The following ALDH18A1 variants were observed in gnomAD, a reference collection of about 807,000 sequenced individuals.
ALDH18A1 encodes aldehyde dehydrogenase 18 family member A1.
In ALDH18A1, 44 loss-of-function variants were observed where a neutral mutation model predicts 88.8. The ratio of observed to expected loss-of-function variants is 0.50; its 90% CI spans 0.39 to 0.64. The LOEUF is 0.64. Among genes scored for constraint, ALDH18A1 ranks in the 30% least tolerant of loss-of-function variants. The pLI is 0.00. For missense variants in ALDH18A1, 782 were observed against 1,009.5 expected, an observed-to-expected ratio of 0.77 and a Z score of 3.05; for synonymous variants, 331 against 372.1, an observed-to-expected ratio of 0.89 and a Z score of 1.27.
At chr10:95,643,377 T>C (rs1490929618) in intron 2 of ALDH18A1, among the ~76,000 whole-genome samples, 171 bp from the exon 3 acceptor site, 2 of 152,254 alleles carry the variant, frequency 1.3e-5, no homozygotes, top group African/African-American at 2.4e-5. Flanking sequence ...CGTATTCTTA[T>C]TTTAGTATTG....
At chr10:95,644,825 T>C (rs549415181) in intron 2 of ALDH18A1, among the ~76,000 whole-genome samples, 1 of 152,336 alleles carries the variant, frequency 6.6e-6, no homozygotes, top group Non-Finnish European at 1.5e-5. Context: ...AACATGGGTA[T>C]GAAGGCTGGA....
Position 95,613,987 on chromosome 10 carries a change from C to T in ALDH18A1, c.1780G>A (p.Val594Ile), listed in dbSNP as rs41291564. 5.6e-6 allele frequency: 9 copies of T among 1,614,224 alleles called. No homozygotes were observed. The highest frequency in any genetic ancestry group is 7.6e-6 in the Non-Finnish European group (9 of 1,180,044). Residue 594 changes from valine to isoleucine, a missense_variant, in exon 14 of 18, where the codon GTT becomes ATT. Physicochemically the swap from Val to Ile is conservative, Grantham distance 29. This residue lies in a region of ALDH18A1 where 556 missense variants were observed against 654.5 expected (regional missense o/e 0.85). Transcript: ENST00000371224. The part of the protein sequence containing the change: ...CHMYVDSEAS[V>I]DKVTRLVRDS... Reference sequence around the variant, plus strand: ...TCACCTAGCCTGGTGACCTTATCAACACTGGCCTCGGAATCCACATACATG... The same window carrying T: ...TCACCTAGCCTGGTGACCTTATCAATACTGGCCTCGGAATCCACATACATG...
chr10:95,607,803 G>A (rs1297609847), intron 17 of ALDH18A1, among the ~76,000 whole-genome samples: 1 of 152,114 alleles, frequency 6.6e-6, no homozygotes, highest in Non-Finnish European at 1.5e-5. Flanking sequence ...CCTTTTGGTT[G>A]GGACCTGAAC....
intron 2 of ALDH18A1, among the ~76,000 whole-genome samples, chr10:95,648,450 A>C (rs1311019508): frequency 2.0e-5 from 3 of 152,154 alleles, no homozygotes; most frequent in Non-Finnish European, 4.4e-5. Flanking sequence ...ATAAATAAGG[A>C]AACTGATGCT....
At chr10:95,607,068 C>G (rs2097824120) in intron 17 of ALDH18A1, 125 bp from the exon 18 acceptor site, 1 of 961,048 alleles carries the variant, frequency 1.0e-6, no homozygotes, top group Non-Finnish European at 1.7e-6. Flanking sequence ...CCTCATCCAT[C>G]CTCCCCAGAA....
At chr10:95,653,207 C>CTT in intron 2 of ALDH18A1, 83 bp downstream of exon 2, 2 of 1,313,384 alleles carry the variant, frequency 1.5e-6, no homozygotes, top group Non-Finnish European at 1.1e-6. Flanking sequence ...AAACAAACAT[C>CTT]TTTTTTCTCT....
At chr10:95,625,102 CT>C (rs1020602946) in intron 11 of ALDH18A1, among the ~76,000 whole-genome samples, 1 of 152,076 alleles carries the variant, frequency 6.6e-6, no homozygotes, top group Non-Finnish European at 1.5e-5. Context: ...CAATCTTGTT[CT>C]TTTTTGTCCT....
intron 11 of ALDH18A1, among the ~76,000 whole-genome samples, chr10:95,622,763 T>A (rs531360375): frequency 4.6e-5 from 7 of 151,886 alleles, no homozygotes; most frequent in African/African-American, 1.7e-4. Flanking sequence ...GGTCTCCATC[T>A]CCTGACCTTG....
chr10:95,613,906 C>T (rs759835055), intron 14 of ALDH18A1, 43 bp from the exon 15 acceptor site: 12 of 1,614,046 alleles, frequency 7.4e-6, no homozygotes, highest in African/African-American at 1.3e-5. Flanking sequence ...TGACATGATC[C>T]AGAGCTGCAG....
intron 10 of ALDH18A1, among the ~76,000 whole-genome samples, chr10:95,625,769 G>C (rs534758382): frequency 6.6e-6 from 1 of 151,970 alleles, no homozygotes; most frequent in Admixed American, 6.6e-5. Flanking sequence ...AAAAAAAGGG[G>C]GGGAAGGGGC....
At chr10:95,627,760 C>G (rs2097862518) in intron 8 of ALDH18A1, among the ~76,000 whole-genome samples, 174 bp from the exon 9 acceptor site, 1 of 152,244 alleles carries the variant, frequency 6.6e-6, no homozygotes, top group South Asian at 2.1e-4. Flanking sequence ...CACTTTCCAG[C>G]TCAACCTTGG....
chr10:95,654,246 CCT>C (rs773163020), intron 1 of ALDH18A1, among the ~76,000 whole-genome samples: 25 of 150,394 alleles, frequency 1.7e-4, no homozygotes, highest in Admixed American at 3.3e-4. Context: ...CTCACTGCAA[CCT>C]CTGTCTCCCG....
intron 1 of ALDH18A1, 181 bp downstream of exon 1, chr10:95,656,416 C>T (rs1227525378): frequency 4.0e-5 from 6 of 151,714 alleles, no homozygotes; most frequent in African/African-American, 1.2e-4. Context: ...CCGATGCAGC[C>T]GCCATCCCTC....
rs767594147 is a variant in ALDH18A1 at position 95,637,383 on chromosome 10, G to C, written c.357C>G (p.Ala119=). 7.4e-6 allele frequency: 12 copies of C among 1,614,070 alleles called. No homozygotes were observed. The highest frequency in any genetic ancestry group is 8.5e-6 in the Non-Finnish European group (10 of 1,180,040). ...GREMMLVTSG[A]VAFGKQRLRH... The stretch of plus-strand genomic sequence containing the variant: ...GCAAGCGTTGTTTGCCAAAGGCTAC[G>C]GCTCCACTGGTCACCAGCATCATCT... Residue 119 remains alanine, a synonymous_variant, in exon 4 of 18, where the codon GCC becomes GCG. Coordinates refer to ENST00000371224, the MANE Select transcript of ALDH18A1 (RefSeq NM_002860.4).
intron 13 of ALDH18A1, 84 bp from the exon 14 acceptor site, chr10:95,614,245 C>T: frequency 7.5e-7 from 1 of 1,333,816 alleles, no homozygotes; most frequent in Admixed American, 1.7e-5. Context: ...TACAGATAAA[C>T]ATCTGTACAC....
At chr10:95,650,670 G>C (rs2097909133) in intron 2 of ALDH18A1, among the ~76,000 whole-genome samples, 2 of 152,114 alleles carry the variant, frequency 1.3e-5, no homozygotes, top group African/African-American at 4.8e-5. Flanking sequence ...TGCAGTTTTT[G>C]GTGCCATGCT....
In ALDH18A1 at chr10:95,620,880, G is replaced by A. The variant is rs541894290; in HGVS notation, c.1467+151C>T. The stretch of plus-strand genomic sequence containing the variant: ...GGTGCAGCAAACCAATATGGCACAT[G>A]TATACCTATGTAACAAACCTGCACG... On this transcript the variant is annotated intron_variant, in intron 12 of 17. Transcript: ENST00000371224. The A allele has an allele frequency of 1.8e-5, 13 of 730,020 alleles. No homozygotes were observed. In the South Asian group the frequency reaches 2.3e-4, roughly 13 times the overall value. 45.2% of individuals were successfully genotyped at this position (730,020 alleles called of 1,614,324 possible). A position where few individuals can be genotyped will look rare whatever the true frequency, so the allele number is the denominator to read the frequency against.
chr10:95,613,797 TC>T lies in ALDH18A1; in HGVS notation c.1867del (p.Asp623IlefsTer15). Reference sequence around the variant, plus strand: ...GTCAAATAATGGTGTCCTGAGCAGATCCCGGTGGATTAACAAAGTCTCCAAA... The same window carrying T: ...GTCAAATAATGGTGTCCTGAGCAGATCCGGTGGATTAACAAAGTCTCCAAA... ...NALETLLIHRDLLRTPLFDQI... is the reference protein window; with the variant it reads ...NALETLLIHRXLLRTPLFDQI... On this transcript the variant is annotated frameshift_variant, in exon 15 of 18. Transcript: ENST00000371224. LOFTEE classifies it high-confidence loss of function. The T allele has an allele frequency of 6.2e-7, 1 of 1,614,132 alleles. No individual in the cohort carries two copies. Among genetic ancestry groups the T allele is most frequent in the Non-Finnish European group, 8.5e-7 (1 of 1,180,010 alleles).
chr10:95,649,725 A>ATAAAAATTAG (rs2097907192), intron 2 of ALDH18A1, among the ~76,000 whole-genome samples: 1 of 152,084 alleles, frequency 6.6e-6, no homozygotes, highest in South Asian at 2.1e-4. Flanking sequence ...AACAAAAAAT[A>ATAAAAATTAG]TAAAAATTAG....
Sources: gnomAD v4.1 joint callset for allele counts (sites outside exome capture counted in the v4.1 genomes callset) on GRCh38, gnomAD v4.1.1 for gene constraint, gnomAD v4.1.1 regional missense constraint, MANE v1.5 for transcripts, NCBI Gene and HGNC (gene_info 2026-07-23, HGNC 2026-07-21) for gene names.